SPRR1B: variants seen among roughly 807,000 people sequenced by gnomAD.
The protein encoded by SPRR1B is cornifin-B.
A neutral mutation model predicts 1.2 loss-of-function variants in SPRR1B; 1 was observed. That is an observed-to-expected ratio of 0.82 (90% CI 0.29 to 3.89). SPRR1B has a LOEUF of 3.89. Among genes scored for constraint, SPRR1B ranks in the 30% most tolerant of loss-of-function variants. The pLI is 0.18. For missense variants in SPRR1B, 102 were observed against 106.0 expected, an observed-to-expected ratio of 0.96 and a Z score of 0.17; for synonymous variants, 37 against 38.3, an observed-to-expected ratio of 0.97 and a Z score of 0.13.
chr1:153,032,182 T>C, intron 1 of SPRR1B, 145 bp from the exon 2 acceptor site: 1 of 1,109,228 alleles, frequency 9.0e-7, no homozygotes, highest in South Asian at 1.7e-5. Flanking sequence ...TTTAGGTTCC[T>C]CTTCTTCAAA....
rs1653749197 is a variant in SPRR1B, at chr1:153,032,797, C to T, written c.*182C>T. On this transcript the variant is annotated 3_prime_UTR_variant, in exon 2 of 2. Transcript: ENST00000307098. ...TGAATGAAGCTGAAGGTCTTAGTAC[C>T]AGAGCTAGTTTTCAGCTGCTCAGAA... 6.9e-6 allele frequency: 8 copies of T among 1,165,878 alleles called. No homozygotes were observed. The South Asian group carries it at 1.1e-4, about 15-fold the overall frequency. 72.2% of individuals were successfully genotyped at this position (1,165,878 alleles called of 1,614,324 possible).
Position 153,032,507 on chromosome 1 carries a change from C to T in SPRR1B, c.162C>T (p.Pro54=), listed in dbSNP as rs12195. The T allele has an allele frequency of 0.52, 824,965 of 1,584,162 alleles. 212,944 individuals are homozygous for T. The highest frequency in any genetic ancestry group is 0.62 in the East Asian group (27,736 of 44,748). ...CTGAGCCCTGCCACCCCAAAGTGCC[C>T]GAGCCCTGCCAGCCCAAGGTTCCAG... is the stretch of plus-strand genomic sequence containing the variant. ...KVPEPCHPKV[P]EPCQPKVPEP... The change falls in exon 2 of 2, where the codon CCC becomes CCT. Residue 54 remains proline (P), a synonymous_variant. Transcript: ENST00000307098.
intron 1 of SPRR1B, among the ~76,000 whole-genome samples, chr1:153,031,528 G>A (rs2070963): frequency 0.49 from 74,962 of 151,978 alleles, 18,622 homozygotes; most frequent in East Asian, 0.61. Flanking sequence ...AGTTTGTAAT[G>A]GGATAATGAC....
rs1320171532 is a variant in SPRR1B at position 153,032,344 on chromosome 1, GC to G, written c.-1del. The G allele has an allele frequency of 6.2e-7, 1 of 1,613,246 alleles. No homozygotes were observed. The highest frequency in any genetic ancestry group is 8.5e-7 in the Non-Finnish European group (1 of 1,179,704). On this transcript the variant is annotated 5_prime_UTR_variant, in exon 2 of 2. Transcript: ENST00000307098. ...GTGTCCAGGACCAGTCACTGTTGCA[GC>G]ATGAGTTCCCAGCAGCAGAAGCAGC...
At position 153,032,586 on chromosome 1, in the gene SPRR1B, C is replaced by T. The variant is rs750358682; in HGVS notation, c.241C>T (p.Pro81Ser). ...EPCPSIVTPAPAQQKTKQK is the reference protein window; with the variant it reads ...EPCPSIVTPASAQQKTKQK The stretch of plus-strand genomic sequence containing the variant: ...CTGCCCTTCAATAGTCACTCCAGCA[C>T]CAGCCCAGCAGAAGACCAAGCAGAA... Residue 81 changes from proline to serine, a missense_variant, in exon 2 of 2, where the codon CCA (proline) becomes TCA (serine). Transcript: ENST00000307098. The T allele has an allele frequency of 7.4e-6, 12 of 1,613,940 alleles. No homozygotes were observed. In the Admixed American group the frequency reaches 1.8e-4, roughly 25 times the overall value.
Position 153,032,459 on chromosome 1 carries a change from GGAGCCCTGCCACCCCAAGGTGCCT to G in SPRR1B, c.132_155del (p.His50_Cys57del), listed in dbSNP as rs751492427. The G allele has an allele frequency of 1.3e-4, 208 of 1,613,186 alleles. 1 individual carries two copies. The Admixed American group carries it at 1.7e-3, about 13-fold the overall frequency. ...AGGAACCATGCATCCCCAAAACCAA[GGAGCCCTGCCACCCCAAGGTGCCT>G]GAGCCCTGCCACCCCAAAGTGCCCG... On this transcript the variant is annotated inframe_deletion, in exon 2 of 2. Transcript: ENST00000307098.
intron 1 of SPRR1B, 94 bp from the exon 2 acceptor site, chr1:153,032,233 G>T: frequency 7.1e-7 from 1 of 1,400,332 alleles, no homozygotes; most frequent in Admixed American, 2.3e-5. Flanking sequence ...GGTCAAGAAG[G>T]GGAAAGAACA....
chr1:153,032,361 C>G lies in SPRR1B; in HGVS notation c.16C>G (p.Gln6Glu). The stretch of plus-strand genomic sequence containing the variant: ...CTGTTGCAGCATGAGTTCCCAGCAG[C>G]AGAAGCAGCCTTGCACCCCACCCCC... MSSQQ[Q>E]KQPCTPPPQL... Residue 6 changes from glutamine to glutamate, a missense_variant, in exon 2 of 2, where the codon CAG becomes GAG. By Grantham distance (29) the Gln-to-Glu change is conservative. Coordinates refer to ENST00000307098, the MANE Select transcript of SPRR1B (RefSeq NM_003125.3). 1 of 1,613,750 alleles carries G rather than the reference C, an allele frequency of 6.2e-7. No homozygotes were observed. The highest frequency in any genetic ancestry group is 8.5e-7 in the Non-Finnish European group (1 of 1,179,826).
Sources: gnomAD v4.1 joint callset for allele counts (sites outside exome capture counted in the v4.1 genomes callset) on GRCh38, gnomAD v4.1.1 for gene constraint, MANE v1.5 for transcripts, NCBI Gene and HGNC (gene_info 2026-07-23, HGNC 2026-07-21) for gene names.